The following ZMYND12 variants were observed in gnomAD, a reference collection of about 807,000 sequenced individuals.
The protein encoded by ZMYND12 is zinc finger MYND-type containing 12.
ZMYND12 carries 32 observed loss-of-function variants against 41.7 expected under a neutral mutation model. That is an observed-to-expected ratio of 0.77 (90% confidence interval 0.58 to 1.03). ZMYND12 has a LOEUF of 1.03. Among genes scored for constraint, ZMYND12 ranks in the 50% least tolerant of loss-of-function variants. ZMYND12 has a pLI of 0.00. For missense variants in ZMYND12, 424 were observed against 438.5 expected (o/e 0.97, Z 0.30); for synonymous variants, 148 against 164.8 (o/e 0.90, Z 0.78).
At chr1:42,446,225 A>G (rs914263828) in intron 3 of ZMYND12, among the ~76,000 whole-genome samples, 3 of 152,226 alleles carry the variant, frequency 2.0e-5, no homozygotes, top group Admixed American at 6.5e-5. Context: ...TAATATGTAA[A>G]TAAACCAATG....
chr1:42,432,060 CTTTTTT>C (rs111394001), intron 7 of ZMYND12, among the ~76,000 whole-genome samples: 2 of 132,968 alleles, frequency 1.5e-5, no homozygotes, highest in Non-Finnish European at 3.1e-5. Context: ...TTTTCTTTTT[CTTTTTT>C]TTTTTTTTGA....
At chr1:42,451,945 C>A (rs1450584394) in intron 1 of ZMYND12, among the ~76,000 whole-genome samples, 6 of 152,170 alleles carry the variant, frequency 3.9e-5, no homozygotes, top group Admixed American at 3.9e-4. Flanking sequence ...TCTGTCCCAC[C>A]TGTAACACCT....
At chr1:42,452,403 C>G (rs1163677065) in intron 1 of ZMYND12, among the ~76,000 whole-genome samples, 1 of 152,158 alleles carries the variant, frequency 6.6e-6, no homozygotes, top group East Asian at 1.9e-4. Context: ...TTAGTATGTA[C>G]TTCCATAAAA....
intron 3 of ZMYND12, among the ~76,000 whole-genome samples, chr1:42,446,482 T>A (rs1643025325): frequency 6.6e-6 from 1 of 151,930 alleles, no homozygotes; most frequent in South Asian, 2.1e-4. Context: ...TGAAACCCCG[T>A]CTCTACTACA....
chr1:42,453,731 G>A (rs575013587), intron 1 of ZMYND12, among the ~76,000 whole-genome samples: 4 of 152,298 alleles, frequency 2.6e-5, no homozygotes, highest in South Asian at 2.1e-4. Context: ...TACCCACGGC[G>A]GTTTACTGGC....
Position 42,448,457 on chromosome 1 carries a change from T to A in ZMYND12, c.424+10A>T, listed in dbSNP as rs1643046782. ...AAGGGATCCAAGGATCTCAAGTCGG[T>A]TTCACTCACCAAGGCTGGCCTCGGC... On this transcript the variant is annotated intron_variant, in intron 3 of 7. Transcript: ENST00000372565. 1 of 1,574,010 alleles carries A rather than the reference T, an allele frequency of 6.4e-7. No individual in the cohort carries two copies. Among genetic ancestry groups the A allele is most frequent in the African/African-American group, 1.4e-5 (1 of 73,312 alleles).
chr1:42,440,432 A>G (rs1311972954), intron 3 of ZMYND12, among the ~76,000 whole-genome samples: 2 of 152,080 alleles, frequency 1.3e-5, no homozygotes, highest in East Asian at 3.8e-4. Flanking sequence ...AAATGTCCAG[A>G]ATAGGCAAAT....
Position 42,448,533 on chromosome 1 carries a change from T to C in ZMYND12, c.358A>G (p.Lys120Glu). 1 of 1,613,840 alleles carries C rather than the reference T, an allele frequency of 6.2e-7. No homozygotes were observed. The change falls in exon 3 of 8, where the codon AAG becomes GAG. Residue 120 changes from lysine to glutamate, a missense_variant. By Grantham distance (56) the Lys-to-Glu change is moderately conservative. Transcript: ENST00000372565. The part of the protein sequence containing the change: ...AALQSLRFRV[K>E]LYGLSSVELV... The stretch of plus-strand genomic sequence containing the variant: ...TCTACGGAGCTCAGGCCATACAGCT[T>C]CACACGGAAGCGAAGGGACTGCAAA...
In ZMYND12 at chr1:42,448,620, A is replaced by G; in HGVS notation, c.271T>C (p.Cys91Arg). ...QQRQKYLIEF[C>R]YTIAQKYLFE... ...AGGTATTTCTGGGCTATGGTGTAGC[A>G]GAATTCAATCAAATACTTCTGTGGA... The change falls in exon 3 of 8, where the codon TGC (cysteine) becomes CGC (arginine). Residue 91 changes from cysteine to arginine, a missense_variant. By Grantham distance (180) the Cys-to-Arg change is radical. Transcript: ENST00000372565. 6.2e-7 allele frequency: 1 copy of G among 1,611,344 alleles called. No homozygotes were observed. Among genetic ancestry groups the G allele is most frequent in the Non-Finnish European group, 8.5e-7 (1 of 1,178,670 alleles).
intron 3 of ZMYND12, among the ~76,000 whole-genome samples, chr1:42,442,713 G>C (rs1203273338): frequency 2.6e-5 from 4 of 152,142 alleles, no homozygotes; most frequent in Non-Finnish European, 4.4e-5. Flanking sequence ...TGTCCTTCCT[G>C]TCAGACCTAG....
At chr1:42,454,551 TCTTTCCTTAA>T (rs1643125111) in intron 1 of ZMYND12, among the ~76,000 whole-genome samples, 1 of 152,192 alleles carries the variant, frequency 6.6e-6, no homozygotes, top group Non-Finnish European at 1.5e-5. Context: ...CAGCCCATCC[TCTTTCCTTAA>T]CACAAATGAG....
intron 3 of ZMYND12, among the ~76,000 whole-genome samples, chr1:42,443,158 A>G (rs1017682866): frequency 2.6e-5 from 4 of 152,240 alleles, no homozygotes; most frequent in African/African-American, 9.7e-5. Flanking sequence ...AACAAGCATC[A>G]GTCCTAAAGG....
rs115700618 is a variant in ZMYND12, at chr1:42,435,416, G to T, written c.718-31C>A. The T allele has an allele frequency of 1.3e-3, 2,004 of 1,548,728 alleles. 23 individuals are homozygous for T. In the African/African-American group the frequency reaches 0.023, roughly 18 times the overall value. On this transcript the variant is annotated intron_variant, in intron 5 of 7. Transcript: ENST00000372565. ...GGGAAAAGAGATGGTAATACAACAA[G>T]CAGGCCAGACCTCAGCCGTCGGACC...
intron 5 of ZMYND12, chr1:42,435,618 G>A (rs915966705): frequency 2.3e-6 from 1 of 437,182 alleles, no homozygotes; most frequent in East Asian, 4.1e-5. Flanking sequence ...GGTAGCCCTA[G>A]TGGGGTCTAA....
At chr1:42,435,060 G>A (rs145911530) in intron 6 of ZMYND12, among the ~76,000 whole-genome samples, 280 of 152,096 alleles carry the variant, frequency 1.8e-3, no homozygotes, top group African/African-American at 5.7e-3. Flanking sequence ...AGTAACCCCC[G>A]AATGGCTATG....
chr1:42,446,111 C>A (rs1643021130), intron 3 of ZMYND12, among the ~76,000 whole-genome samples: 1 of 152,136 alleles, frequency 6.6e-6, no homozygotes, highest in Admixed American at 6.6e-5. Context: ...GCAGCAGAGG[C>A]AGCCTGGAAT....
intron 4 of ZMYND12, among the ~76,000 whole-genome samples, chr1:42,439,405 A>G (rs1642942662): frequency 6.6e-6 from 1 of 152,050 alleles, no homozygotes. Context: ...ATCTCGGACT[A>G]CAGGCATGCA....
At chr1:42,442,164 A>AT (rs1176134228) in intron 3 of ZMYND12, among the ~76,000 whole-genome samples, 1 of 152,164 alleles carries the variant, frequency 6.6e-6, no homozygotes, top group Non-Finnish European at 1.5e-5. Context: ...ATGCATGTGG[A>AT]TAAAAACTAG....
intron 4 of ZMYND12, among the ~76,000 whole-genome samples, chr1:42,439,334 C>T (rs868085830): frequency 2.9e-4 from 44 of 151,420 alleles, no homozygotes; most frequent in Middle Eastern, 3.4e-3. Context: ...GGCGCGATCT[C>T]GGCTCACTGC....
Sources: gnomAD v4.1 joint callset for allele counts (sites outside exome capture counted in the v4.1 genomes callset) on GRCh38, gnomAD v4.1.1 for gene constraint, MANE v1.5 for transcripts, NCBI Gene and HGNC (gene_info 2026-07-23, HGNC 2026-07-21) for gene names.